Variants in NCOR2 observed in about 807,000 individuals in gnomAD.
NCOR2 encodes the protein CTG repeat protein 26.
NCOR2 carries 81 observed loss-of-function variants against 262.9 expected under a neutral mutation model. That is an observed-to-expected ratio of 0.31 (90% CI 0.26 to 0.37). NCOR2 has a LOEUF of 0.37. Ranked by LOEUF, NCOR2 falls within the 10% of genes least tolerant of loss-of-function variation. The pLI is 1.00. For missense variants in NCOR2, 3,385 were observed against 3,621.4 expected, an observed-to-expected ratio of 0.93 and a Z score of 1.68; for synonymous variants, 1,659 against 1,559.3, an observed-to-expected ratio of 1.06 and a Z score of -1.51.
At position 124,495,038 on chromosome 12, in the gene NCOR2, C is replaced by G. The variant is rs1185504655; in HGVS notation, c.105+109G>C. On this transcript the variant is annotated intron_variant, in intron 1 of 46. Transcript: ENST00000405201. The surrounding 1 kb of genome is among the most constrained non-coding windows in gnomAD (Gnocchi z 4.4). The stretch of plus-strand genomic sequence containing the variant: ...GGCCTCCCCTCTGCCCTGGGAGGCT[C>G]AGAGCCACATGAGCCTGGCTCCCAG... 7.1e-7 allele frequency: 1 copy of G among 1,407,670 alleles called. No individual in the cohort carries two copies. Among genetic ancestry groups the G allele is most frequent in the African/African-American group, 1.4e-5 (1 of 69,214 alleles). The allele number at this position is 1,407,670 out of a possible 1,614,324, so 87.2% of individuals were successfully genotyped here.
rs542933464 is a variant in NCOR2 at position 124,563,689 on chromosome 12, A to C, written c.-165+3619T>G. 3.3e-5 allele frequency among the ~76,000 whole-genome samples: 5 copies of C among 152,402 alleles called. No homozygotes were observed. The East Asian group carries it at 9.6e-4, about 29-fold the overall frequency. ...AAACACAGCAGTGTCGCCAAGGCGAATGCCAAATTTGCATGAATGTTTCAG... is the reference window on the plus strand; with the variant it reads ...AAACACAGCAGTGTCGCCAAGGCGACTGCCAAATTTGCATGAATGTTTCAG... On this transcript the variant is annotated intron_variant, in intron 1 of 32. Transcript: ENST00000458234.
At chr12:124,505,118 G>T (rs1157741728) in intron 1 of NCOR2, among the ~76,000 whole-genome samples, 2 of 152,226 alleles carry the variant, frequency 1.3e-5, no homozygotes, top group African/African-American at 4.8e-5. Context: ...ATCTACACCA[G>T]ATAGGCTCGG....
chr12:124,360,114 G>A (rs556744442), intron 22 of NCOR2, among the ~76,000 whole-genome samples: 12 of 152,318 alleles, frequency 7.9e-5, no homozygotes, highest in South Asian at 2.1e-4. Flanking sequence ...GGCTGGCACC[G>A]TGCAGTTCCA....
At position 124,523,388 on chromosome 12, in the gene NCOR2, G is replaced by T. The variant is rs141569169; in HGVS notation, c.-118+12177C>A. Among the ~76,000 whole-genome samples the T allele has an allele frequency of 3.3e-5, 5 of 152,094 alleles. No individual in the cohort carries two copies. Among genetic ancestry groups the T allele is most frequent in the African/African-American group, 4.8e-5 (2 of 41,406 alleles). On this transcript the variant is annotated intron_variant, in intron 1 of 46. Coordinates refer to the NCOR2 transcript ENST00000404621. This position sits in a 1 kb window ranked among gnomAD's most constrained non-coding sequence, Gnocchi z 4.0. ...CCCACACCCCGGTGGCAGGGGCAGCGGCAGAGGAAAGAGGAGTGCCCAGGA... is the reference window on the plus strand; with the variant it reads ...CCCACACCCCGGTGGCAGGGGCAGCTGCAGAGGAAAGAGGAGTGCCCAGGA...
chr12:124,366,296 T>G (rs1456437478), intron 20 of NCOR2, among the ~76,000 whole-genome samples: 16 of 152,004 alleles, frequency 1.1e-4, no homozygotes. Flanking sequence ...ATGACGTGGG[T>G]GGACCCTGAA....
At chr12:124,371,125 T>C (rs917212223) in intron 20 of NCOR2, among the ~76,000 whole-genome samples, 3 of 151,990 alleles carry the variant, frequency 2.0e-5, no homozygotes, top group Non-Finnish European at 4.4e-5. Context: ...TGGGAGAGGC[T>C]CGTAAAGGCC....
chr12:124,533,151 G>A (rs1336053027), intron 1 of NCOR2, among the ~76,000 whole-genome samples: 1 of 150,288 alleles, frequency 6.7e-6, no homozygotes, highest in Non-Finnish European at 1.5e-5. Flanking sequence ...CAGGGCTTAG[G>A]GCCCAAGGCC....
intron 1 of NCOR2, among the ~76,000 whole-genome samples, chr12:124,489,508 A>G (rs2047963779): frequency 1.3e-5 from 2 of 152,136 alleles, no homozygotes; most frequent in Non-Finnish European, 2.9e-5. Context: ...ACAAGAGGGG[A>G]CAGTCCCCAG....
chr12:124,410,506 G>A (rs536326267), intron 13 of NCOR2, among the ~76,000 whole-genome samples: 175 of 152,098 alleles, frequency 1.2e-3, no homozygotes, highest in Middle Eastern at 3.4e-3. Context: ...GCCCAGCCCA[G>A]CTGGCCCTGA....
At chr12:124,494,010 A>G (rs1260035584) in intron 1 of NCOR2, among the ~76,000 whole-genome samples, 1 of 152,168 alleles carries the variant, frequency 6.6e-6, no homozygotes. Flanking sequence ...CTGCCGTCCT[A>G]AGAGGGATCC....
At chr12:124,374,392 G>T (rs1306390552) in intron 19 of NCOR2, 21 bp downstream of exon 21, 3 of 1,611,744 alleles carry the variant, frequency 1.9e-6, no homozygotes, top group South Asian at 2.2e-5. Flanking sequence ...TACCCCCCAG[G>T]CCAGCCGGCC....
At chr12:124,345,169 C>T (rs779356976) in intron 31 of NCOR2, among the ~76,000 whole-genome samples, 1 of 152,198 alleles carries the variant, frequency 6.6e-6, no homozygotes, top group Non-Finnish European at 1.5e-5. Flanking sequence ...TCCCCACGCT[C>T]CCTGGGGGGA....
At chr12:124,355,609 G>A (rs1383559972) in intron 23 of NCOR2, 38 bp from the exon 26 acceptor site, 1 of 1,519,456 alleles carries the variant, frequency 6.6e-7, no homozygotes, top group East Asian at 2.3e-5. Flanking sequence ...GGGCCCAGGA[G>A]CGGTCACGTC....
chr12:124,517,865 A>T lies in NCOR2; in HGVS notation c.-118+17700T>A, dbSNP rs2049916094. ...GACAGCCCTGCCCACCATCCCGCTGAGCTCAGGGCCGACAACACTGCGCTG... is the reference window on the plus strand; with the variant it reads ...GACAGCCCTGCCCACCATCCCGCTGTGCTCAGGGCCGACAACACTGCGCTG... On this transcript the variant is annotated intron_variant, in intron 1 of 46. Coordinates refer to the NCOR2 transcript ENST00000404621. This position sits in a 1 kb window ranked among gnomAD's most constrained non-coding sequence, Gnocchi z 7.6. Among the ~76,000 whole-genome samples the T allele has an allele frequency of 6.6e-6, 1 of 152,172 alleles. No individual in the cohort carries two copies. Among genetic ancestry groups the T allele is most frequent in the African/African-American group, 2.4e-5 (1 of 41,444 alleles).
At chr12:124,407,297 C>T (rs1333433564) in intron 13 of NCOR2, among the ~76,000 whole-genome samples, 1 of 152,350 alleles carries the variant, frequency 6.6e-6, no homozygotes, top group African/African-American at 2.4e-5. Context: ...TCAAAAGGCA[C>T]ATTCATGATG....
chr12:124,547,035 G>A (rs2137244088), intron 1 of NCOR2, among the ~76,000 whole-genome samples: 1 of 152,154 alleles, frequency 6.6e-6, no homozygotes, highest in East Asian at 1.9e-4. Context: ...TGTCGCCCAG[G>A]CTGGAGTGCA....
chr12:124,531,295 G>T lies in NCOR2; in HGVS notation c.-118+4270C>A, dbSNP rs1410391886. On this transcript the variant is annotated intron_variant, in intron 1 of 46. Coordinates refer to the NCOR2 transcript ENST00000404621. The surrounding 1 kb of genome is among the most constrained non-coding windows in gnomAD (Gnocchi z 4.5). ...GGGGGCTCTGCACCAGCTCCCACAG[G>T]CCTGTCCAGGGCTCCTGCTCCCCTC... Among the ~76,000 whole-genome samples, 2 of 152,164 alleles carry T rather than the reference G, an allele frequency of 1.3e-5. No individual in the cohort carries two copies. Among genetic ancestry groups the T allele is most frequent in the East Asian group, 3.9e-4 (2 of 5,180 alleles).
intron 17 of NCOR2, chr12:124,383,276 G>A: frequency 5.3e-6 from 1 of 190,106 alleles, no homozygotes; most frequent in Non-Finnish European, 1.1e-5. Flanking sequence ...CAGCTAGTAG[G>A]TGGCAGAGCC....
chr12:124,395,853 G>A lies in NCOR2; in HGVS notation c.1876+2266C>T, dbSNP rs370318690. Among the ~76,000 whole-genome samples, 8 of 152,324 alleles carry A rather than the reference G, an allele frequency of 5.3e-5. No homozygotes were observed. In the East Asian group the frequency reaches 9.7e-4, roughly 18 times the overall value. On this transcript the variant is annotated intron_variant, in intron 16 of 46. Transcript: ENST00000405201. The stretch of plus-strand genomic sequence containing the variant: ...TGGGAAATCTCCCAGCCAACAGGCT[G>A]AGATCCCAGGGACTCACCTGTGATT...
Sources: gnomAD v4.1 joint callset for allele counts (sites outside exome capture counted in the v4.1 genomes callset) on GRCh38, gnomAD v4.1.1 for gene constraint, Gnocchi (gnomAD v3.1) non-coding constraint, MANE v1.5 for transcripts, NCBI Gene and HGNC (gene_info 2026-07-23, HGNC 2026-07-21) for gene names.